NAALADL2: variants seen among roughly 807,000 people sequenced by gnomAD.
NAALADL2 encodes N-acetylated alpha-linked acidic dipeptidase like 2, also known as inactive N-acetylated-alpha-linked acidic dipeptidase-like protein 2.
NAALADL2 carries 76 observed loss-of-function variants against 87.2 expected under a neutral mutation model. The observed-to-expected ratio is 0.87, with a 90% CI of 0.72 to 1.05. The LOEUF (loss-of-function observed/expected upper bound fraction) is 1.05. NAALADL2 is among the 50% of genes least tolerant of loss of function. The probability of loss-of-function intolerance (pLI) is 0.00; values close to 1 mark genes in which losing one functional copy is unlikely to be tolerated. For missense variants in NAALADL2, 1,089 were observed against 945.8 expected, an observed-to-expected ratio of 1.15 and a Z score of -1.99; for synonymous variants, 354 against 331.0, an observed-to-expected ratio of 1.07 and a Z score of -0.75.
intron 3 of NAALADL2, among the ~76,000 whole-genome samples, chr3:174,799,651 T>A (rs1268684806): frequency 6.6e-6 from 1 of 152,188 alleles, no homozygotes; most frequent in Non-Finnish European, 1.5e-5. Flanking sequence ...ATACAGTAAA[T>A]TCTACCAGAA....
chr3:174,488,079 G>T (rs1006398101), intron 1 of NAALADL2, among the ~76,000 whole-genome samples: 3 of 152,008 alleles, frequency 2.0e-5, no homozygotes, highest in African/African-American at 4.8e-5. Context: ...GAATAAATTG[G>T]AGATAGCTCA....
intron 1 of NAALADL2, among the ~76,000 whole-genome samples, chr3:175,026,712 T>C (rs562304239): frequency 1.5e-4 from 22 of 151,130 alleles, no homozygotes; most frequent in African/African-American, 5.1e-4. Flanking sequence ...CTGCTACAGA[T>C]GAAAAAATAT....
intron 11 of NAALADL2, among the ~76,000 whole-genome samples, chr3:175,630,515 A>C (rs566538662): frequency 8.3e-4 from 126 of 151,908 alleles, no homozygotes; most frequent in African/African-American, 2.9e-3. Flanking sequence ...GTAGGCCCTT[A>C]TCTGCATTTT....
At chr3:175,275,015 C>G (rs180753474) in intron 4 of NAALADL2, among the ~76,000 whole-genome samples, 1 of 152,228 alleles carries the variant, frequency 6.6e-6, no homozygotes, top group East Asian at 1.9e-4. Context: ...ATTTCTGACT[C>G]ATTATTTCAC....
intron 1 of NAALADL2, among the ~76,000 whole-genome samples, chr3:174,899,116 C>A (rs903516840): frequency 1.3e-5 from 2 of 152,134 alleles, no homozygotes; most frequent in African/African-American, 4.8e-5. Context: ...AGAACCTCAG[C>A]GAACATTAAA....
chr3:175,712,899 A>G (rs959629469), intron 11 of NAALADL2, among the ~76,000 whole-genome samples: 2 of 152,070 alleles, frequency 1.3e-5, no homozygotes, highest in African/African-American at 4.8e-5. Context: ...ACAGACCAAT[A>G]TTGTATGGAG....
intron 4 of NAALADL2, among the ~76,000 whole-genome samples, chr3:175,268,385 G>A (rs114481400): frequency 0.022 from 3,353 of 152,274 alleles, 54 homozygotes; most frequent in Non-Finnish European, 0.033. Context: ...AGTAGAGCTT[G>A]CAGGACTGGA....
rs985073633 is a variant in NAALADL2, at chr3:175,013,158, T to C, written c.44-83632T>C. Among the ~76,000 whole-genome samples the C allele has an allele frequency of 2.5e-4, 23 of 91,372 alleles. 2 individuals are homozygous for C. Among genetic ancestry groups the C allele is most frequent in the African/African-American group, 1.4e-3 (17 of 12,116 alleles). The allele number at this position is 91,372 out of a possible 152,430, so 59.9% of individuals were successfully genotyped here. A position where few individuals can be genotyped will look rare whatever the true frequency, so the allele number is the denominator to read the frequency against. On this transcript the variant is annotated intron_variant, in intron 1 of 13. Coordinates refer to ENST00000454872, the MANE Select transcript of NAALADL2 (RefSeq NM_207015.3). ...TATAAATATGTAATACATATTTATA[T>C]ATAAATATGTAATACATATTTATAT...
intron 2 of NAALADL2, among the ~76,000 whole-genome samples, chr3:175,134,671 G>A (rs1728822963): frequency 6.6e-6 from 1 of 151,406 alleles, no homozygotes; most frequent in African/African-American, 2.4e-5. Context: ...GAAGACTAAG[G>A]GTGAGGGTGG....
rs185713067 is a variant in NAALADL2 at position 175,164,535 on chromosome 3, G to A, written c.545+67244G>A. Among the ~76,000 whole-genome samples, 336 of 152,142 alleles carry A rather than the reference G, an allele frequency of 2.2e-3. 1 individual carries two copies. The highest frequency in any genetic ancestry group is 0.01 in the Middle Eastern group (3 of 294). On this transcript the variant is annotated intron_variant, in intron 2 of 13. Transcript: ENST00000454872. ...ATAACATTTTTAAGTTATTTAAGAA[G>A]TTCAAAAAATGGTGCCTGTTAGTTA...
At chr3:175,192,410 A>T (rs1263984617) in intron 2 of NAALADL2, among the ~76,000 whole-genome samples, 2 of 152,104 alleles carry the variant, frequency 1.3e-5, no homozygotes. Context: ...TTCACTCATA[A>T]ATCCGTTTGT....
chr3:175,161,061 T>C (rs1733125974), intron 2 of NAALADL2, among the ~76,000 whole-genome samples: 1 of 152,058 alleles, frequency 6.6e-6, no homozygotes, highest in African/African-American at 2.4e-5. Flanking sequence ...TATGGAAGCA[T>C]AGAACTTCAA....
intron 4 of NAALADL2, among the ~76,000 whole-genome samples, chr3:175,316,850 C>T (rs1272319203): frequency 6.6e-6 from 1 of 152,116 alleles, no homozygotes; most frequent in African/African-American, 2.4e-5. Context: ...TCTTTTATTG[C>T]CAACTTCACT....
At chr3:174,747,812 A>G (rs746365148) in intron 3 of NAALADL2, among the ~76,000 whole-genome samples, 1 of 152,098 alleles carries the variant, frequency 6.6e-6, no homozygotes, top group Non-Finnish European at 1.5e-5. Context: ...ATTATAGGGT[A>G]TATAATCAAA....
chr3:175,430,082 A>C (rs1281516714), intron 5 of NAALADL2, among the ~76,000 whole-genome samples: 1 of 151,890 alleles, frequency 6.6e-6, no homozygotes, highest in Non-Finnish European at 1.5e-5. Context: ...TTTTACTTAG[A>C]TAATTAAAAA....
At chr3:175,722,082 G>T (rs558777840) in intron 11 of NAALADL2, among the ~76,000 whole-genome samples, 1 of 151,968 alleles carries the variant, frequency 6.6e-6, no homozygotes, top group East Asian at 1.9e-4. Flanking sequence ...TAAAAGTAAC[G>T]TATTGAGAGC....
chr3:175,037,061 T>A (rs1406741384), intron 1 of NAALADL2, among the ~76,000 whole-genome samples: 1 of 152,082 alleles, frequency 6.6e-6, no homozygotes, highest in African/African-American at 2.4e-5. Context: ...TGGGCCTCCT[T>A]TAACTACGTT....
At chr3:175,619,475 A>AT in intron 10 of NAALADL2, among the ~76,000 whole-genome samples, 1 of 151,264 alleles carries the variant, frequency 6.6e-6, no homozygotes, top group Middle Eastern at 3.4e-3. Flanking sequence ...TGGTGGGAAA[A>AT]AAAAAAAAAA....
intron 2 of NAALADL2, among the ~76,000 whole-genome samples, chr3:174,646,074 C>A (rs1454906406): frequency 1.3e-5 from 2 of 152,130 alleles, no homozygotes; most frequent in East Asian, 1.9e-4. Context: ...ATAATGTGGT[C>A]TTTCAACAGT....
Sources: gnomAD v4.1 joint callset for allele counts (sites outside exome capture counted in the v4.1 genomes callset) on GRCh38, gnomAD v4.1.1 for gene constraint, MANE v1.5 for transcripts, NCBI Gene and HGNC (gene_info 2026-07-23, HGNC 2026-07-21) for gene names.